Variants in LRP1B observed in about 807,000 individuals in gnomAD.
LRP1B encodes LDL receptor related protein 1B, also known as low-density lipoprotein receptor-related protein 1B.
Under a neutral mutation model 556.6 loss-of-function variants are expected in LRP1B, and 217 were observed. That is an observed-to-expected ratio of 0.39 (90% CI 0.35 to 0.44). LRP1B has a LOEUF of 0.44. Among genes scored for constraint, LRP1B ranks in the 20% least tolerant of loss-of-function variants. LRP1B has a pLI of 1.00. For synonymous variants in LRP1B, 2,047 were observed against 1,865.8 expected (o/e 1.10, Z -2.50); for missense variants, 5,053 against 5,620.8 (o/e 0.90, Z 3.23).
intron 2 of LRP1B, among the ~76,000 whole-genome samples, chr2:141,613,438 C>A (rs999308061): frequency 6.6e-6 from 1 of 152,194 alleles, no homozygotes; most frequent in African/African-American, 2.4e-5. Flanking sequence ...CATGAACTTT[C>A]ACATTTTTAT....
At chr2:140,760,997 G>A (rs1353343357) in intron 35 of LRP1B, among the ~76,000 whole-genome samples, 1 of 152,192 alleles carries the variant, frequency 6.6e-6, no homozygotes, top group Non-Finnish European at 1.5e-5. Flanking sequence ...ACTCTAGAAT[G>A]GCAGTGTGGA....
intron 66 of LRP1B, among the ~76,000 whole-genome samples, chr2:140,396,785 T>C (rs1316454408): frequency 6.6e-6 from 1 of 152,218 alleles, no homozygotes; most frequent in Admixed American, 6.5e-5. Context: ...TATTTCATTT[T>C]ATTATTTTGT....
At chr2:142,031,921 A>G (rs1283041172) in intron 1 of LRP1B, among the ~76,000 whole-genome samples, 1 of 151,862 alleles carries the variant, frequency 6.6e-6, no homozygotes, top group Admixed American at 6.6e-5. Flanking sequence ...AGACACATGC[A>G]TAGGGAGAAT....
At chr2:141,932,826 T>G (rs1700541642) in intron 1 of LRP1B, among the ~76,000 whole-genome samples, 1 of 151,976 alleles carries the variant, frequency 6.6e-6, no homozygotes, top group Non-Finnish European at 1.5e-5. Flanking sequence ...TATTATGTGG[T>G]AAATCTGTAT....
chr2:141,479,300 T>C (rs1682827356), intron 3 of LRP1B, among the ~76,000 whole-genome samples: 1 of 152,202 alleles, frequency 6.6e-6, no homozygotes, highest in Non-Finnish European at 1.5e-5. Context: ...ACAGGTTTTG[T>C]TTGGGCATAT....
chr2:140,272,148 A>T (rs553494896), intron 85 of LRP1B, among the ~76,000 whole-genome samples: 1 of 152,026 alleles, frequency 6.6e-6, no homozygotes, highest in African/African-American at 2.4e-5. Context: ...TTTAAATGTG[A>T]AATACAAATA....
intron 1 of LRP1B, among the ~76,000 whole-genome samples, chr2:141,988,263 G>C (rs906984951): frequency 5.9e-5 from 9 of 151,758 alleles, no homozygotes; most frequent in African/African-American, 2.2e-4. Flanking sequence ...AAGAAGTTTT[G>C]CTCTGCTTTT....
rs374349425 is a variant in LRP1B, at chr2:141,062,228, T to A, written c.1059A>T (p.Arg353Ser). The change falls in exon 8 of 91, where the codon AGA becomes AGT. Residue 353 changes from arginine to serine, a missense_variant. Around this residue, in one of 5 missense-constraint regions of LRP1B, gnomAD observed 3,619 missense variants for 3,931.9 expected, o/e 0.92. Coordinates refer to ENST00000389484, the MANE Select transcript of LRP1B (RefSeq NM_018557.3). ...TTCGGTTCATCCCATCCATGTCACA[T>A]CTCTCCACTTTGGCGACATTCCCGT... is the stretch of plus-strand genomic sequence containing the variant. ...TDYGNVAKVE[R>S]CDMDGMNRTR... 4.3e-6 allele frequency: 7 copies of A among 1,611,392 alleles called. No homozygotes were observed. Among genetic ancestry groups the A allele is most frequent in the Admixed American group, 1.7e-5 (1 of 59,744 alleles).
At chr2:141,130,258 G>A (rs1036638536) in intron 7 of LRP1B, among the ~76,000 whole-genome samples, 1 of 151,950 alleles carries the variant, frequency 6.6e-6, no homozygotes, top group African/African-American at 2.4e-5. Flanking sequence ...AACACACACT[G>A]ACAGGGTAAA....
At chr2:141,612,890 C>A (rs956663766) in intron 2 of LRP1B, among the ~76,000 whole-genome samples, 3 of 152,112 alleles carry the variant, frequency 2.0e-5, no homozygotes, top group African/African-American at 7.2e-5. Context: ...GCAAGCTCTC[C>A]CTCCCTGGTT....
At chr2:141,778,331 T>C (rs1695141754) in intron 2 of LRP1B, among the ~76,000 whole-genome samples, 1 of 152,176 alleles carries the variant, frequency 6.6e-6, no homozygotes, top group African/African-American at 2.4e-5. Flanking sequence ...CTTAGAAATT[T>C]TGAGGATTTT....
chr2:141,309,382 G>C (rs1363742156), intron 3 of LRP1B, among the ~76,000 whole-genome samples: 2 of 152,162 alleles, frequency 1.3e-5, no homozygotes, highest in Non-Finnish European at 2.9e-5. Flanking sequence ...GATTGAAGTG[G>C]ATATGTTTGA....
intron 2 of LRP1B, among the ~76,000 whole-genome samples, chr2:141,694,378 C>T (rs1234007654): frequency 1.3e-5 from 2 of 152,056 alleles, no homozygotes; most frequent in African/African-American, 4.8e-5. Context: ...AGTGAGCCTG[C>T]CCTAGTGACC....
At chr2:140,889,497 T>C (rs1426230606) in intron 23 of LRP1B, among the ~76,000 whole-genome samples, 1 of 152,190 alleles carries the variant, frequency 6.6e-6, no homozygotes, top group Admixed American at 6.5e-5. Flanking sequence ...GGTTTCTCCA[T>C]GTTGGCCAGG....
intron 18 of LRP1B, among the ~76,000 whole-genome samples, chr2:140,970,231 C>T (rs1028468528): frequency 2.0e-5 from 3 of 152,128 alleles, no homozygotes; most frequent in African/African-American, 7.2e-5. Context: ...TCTTTTTACT[C>T]TTTTTTCTCT....
At chr2:141,653,801 T>C (rs1689892247) in intron 2 of LRP1B, among the ~76,000 whole-genome samples, 1 of 152,222 alleles carries the variant, frequency 6.6e-6, no homozygotes, top group South Asian at 2.1e-4. Context: ...TCAACAAATG[T>C]GAAGCATAGA....
At chr2:141,320,934 G>GT (rs1390210522) in intron 3 of LRP1B, among the ~76,000 whole-genome samples, 2 of 151,972 alleles carry the variant, frequency 1.3e-5, no homozygotes, top group Non-Finnish European at 2.9e-5. Context: ...TAAGAATTGT[G>GT]TTTAAGAATA....
intron 2 of LRP1B, among the ~76,000 whole-genome samples, chr2:141,544,332 T>C (rs1033141333): frequency 2.8e-4 from 7 of 25,126 alleles, no homozygotes; most frequent in African/African-American, 5.8e-4. Context: ...CTTCTTCTTC[T>C]TCTTCTTCTT....
At chr2:141,426,951 G>A (rs554770018) in intron 3 of LRP1B, among the ~76,000 whole-genome samples, 25 of 152,162 alleles carry the variant, frequency 1.6e-4, no homozygotes, top group African/African-American at 4.6e-4. Context: ...AGGTATACAC[G>A]TGCCATGGTG....
Sources: allele counts gnomAD v4.1 joint callset (sites outside exome capture counted in the v4.1 genomes callset), GRCh38; gene constraint gnomAD v4.1.1; regional missense constraint gnomAD v4.1.1; transcripts MANE v1.5; gene names NCBI Gene and HGNC (gene_info 2026-07-23, HGNC 2026-07-21).